Variants in ARHGAP9 observed in about 807,000 individuals in gnomAD.
ARHGAP9 encodes rho GTPase-activating protein 9.
ARHGAP9 carries 76 observed loss-of-function variants against 87.3 expected under a neutral mutation model. The observed-to-expected ratio is 0.87, with a 90% confidence interval of 0.72 to 1.05. ARHGAP9 has a LOEUF of 1.05. Ranked by LOEUF, ARHGAP9 falls within the 50% of genes least tolerant of loss-of-function variation. The pLI, the probability that ARHGAP9 is intolerant of heterozygous loss-of-function variation, is 0.00. For missense variants in ARHGAP9, 941 were observed against 960.5 expected (o/e 0.98, Z 0.27); for synonymous variants, 382 against 394.9 (o/e 0.97, Z 0.39).
intron 13 of ARHGAP9, 50 bp from the exon 14 acceptor site, chr12:57,474,753 T>C: frequency 6.2e-7 from 1 of 1,609,970 alleles, no homozygotes; most frequent in South Asian, 1.1e-5. Flanking sequence ...AAAGTGTGTG[T>C]GGTGAGGGAT....
At chr12:57,474,228 G>T in intron 15 of ARHGAP9, 52 bp from the exon 16 acceptor site, 2 of 1,594,662 alleles carry the variant, frequency 1.3e-6, no homozygotes, top group South Asian at 1.1e-5. Flanking sequence ...AAGATTTAGA[G>T]ACTGAGAGAT....
At chr12:57,488,430 G>A in intron 1 of ARHGAP9, 1 of 834,600 alleles carries the variant, frequency 1.2e-6, no homozygotes. Flanking sequence ...CCCCTCTTCC[G>A]TCTTCCCGGT....
At chr12:57,478,839 G>T in intron 2 of ARHGAP9, 82 bp from the exon 3 acceptor site, 1 of 1,350,402 alleles carries the variant, frequency 7.4e-7, no homozygotes. Flanking sequence ...GGAACTCACA[G>T]GGAAGACAAG....
At chr12:57,476,277 G>T (rs752222258) in intron 8 of ARHGAP9, 87 bp downstream of exon 8, 12 of 1,533,308 alleles carry the variant, frequency 7.8e-6, no homozygotes, top group Non-Finnish European at 1.1e-5. Flanking sequence ...ACTTTCCTCT[G>T]CACCGCCCTC....
Position 57,476,939 on chromosome 12 carries a change from T to A in ARHGAP9, c.895A>T (p.Thr299Ser). The part of the protein sequence containing the change: ...PQGSLSLSQR[T>S]SQLDPPALQA... ...AAGGCTGGAGGGTCAAGCTGCGAGG[T>A]GCGTTGGCTGAGGCTGAGTGAACCC... The change falls in exon 6 of 18, where the codon ACC (threonine) becomes TCC (serine). Residue 299 changes from threonine to serine, a missense_variant. Physicochemically the swap from Thr to Ser is moderately conservative, Grantham distance 58. Transcript: ENST00000393791. 6.2e-7 allele frequency: 1 copy of A among 1,611,176 alleles called. No homozygotes were observed. The highest frequency in any genetic ancestry group is 8.5e-7 in the Non-Finnish European group (1 of 1,179,542).
At position 57,487,880 on chromosome 12, in the gene ARHGAP9, G is replaced by A. The variant is rs563977407; in HGVS notation, c.-204+732C>T. 21 of 498,054 alleles carry A rather than the reference G, an allele frequency of 4.2e-5. No homozygotes were observed. The Admixed American group carries it at 5.2e-4, about 12-fold the overall frequency. 30.9% of individuals were successfully genotyped at this position (498,054 alleles called of 1,614,324 possible). A position where few individuals can be genotyped will look rare whatever the true frequency, so the allele number is the denominator to read the frequency against. ...AAAAAAAAAAAAAAAAAAAAGTGCA[G>A]TCTAGCCCGCATCTGCGGCCTCTTC... On this transcript the variant is annotated intron_variant, in intron 1 of 20. Transcript: ENST00000393797.
chr12:57,480,634 G>A, upstream of ARHGAP9: 2 of 785,462 alleles, frequency 2.5e-6, no homozygotes, highest in Non-Finnish European at 4.2e-6. Flanking sequence ...AATTACAATT[G>A]AATCAGGAAC....
At position 57,476,160 on chromosome 12, in the gene ARHGAP9, C is replaced by A; in HGVS notation, c.1123G>T (p.Ala375Ser). 6.5e-7 allele frequency: 1 copy of A among 1,541,090 alleles called. No individual in the cohort carries two copies. The stretch of plus-strand genomic sequence containing the variant: ...ACGCTACTTTCGGGCCGGCTACCCG[C>A]TGGTCCCTGACAATGAGGGAGGAAA... The part of the protein sequence containing the change: ...PTAPSSGWGP[A>S]GSRPESSVDL... The change falls in exon 9 of 18, where the codon GCG becomes TCG. Residue 375 changes from alanine to serine, a missense_variant. By Grantham distance (99) the Ala-to-Ser change is moderately conservative. Transcript: ENST00000393791.
chr12:57,488,544 A>C, intron 1 of ARHGAP9: 1 of 1,541,642 alleles, frequency 6.5e-7, no homozygotes, highest in African/African-American at 1.4e-5. Flanking sequence ...GCCCCCAGGC[A>C]CCCTTTTGTG....
chr12:57,486,517 G>T (rs1438597288), intron 1 of ARHGAP9, among the ~76,000 whole-genome samples: 1 of 150,414 alleles, frequency 6.6e-6, no homozygotes, highest in Non-Finnish European at 1.5e-5. Flanking sequence ...TCATCTGCTC[G>T]CCTCGGCCTC....
intron 8 of ARHGAP9, 77 bp downstream of exon 8, chr12:57,476,286 TC>T: frequency 6.4e-7 from 1 of 1,556,512 alleles, no homozygotes; most frequent in Non-Finnish European, 8.7e-7. Flanking sequence ...TGCACCGCCC[TC>T]CCCGCTGCCG....
At chr12:57,474,743 A>C in intron 13 of ARHGAP9, 40 bp from the exon 14 acceptor site, 1 of 1,612,160 alleles carries the variant, frequency 6.2e-7, no homozygotes, top group Admixed American at 1.7e-5. Context: ...CTGCTGCTTG[A>C]AAGTGTGTGT....
intron 1 of ARHGAP9, among the ~76,000 whole-genome samples, chr12:57,485,009 G>C (rs925283644): frequency 2.0e-5 from 3 of 150,512 alleles, no homozygotes; most frequent in African/African-American, 7.4e-5. Context: ...GCAATGGCAC[G>C]ATCTCAGCTC....
chr12:57,481,635 C>T (rs529488976), upstream of ARHGAP9, among the ~76,000 whole-genome samples: 7 of 152,272 alleles, frequency 4.6e-5, no homozygotes, highest in African/African-American at 1.7e-4. Flanking sequence ...ACTCCGCCAC[C>T]TTTTCAAAGT....
Position 57,473,676 on chromosome 12 carries a change from T to A in ARHGAP9, c.1951A>T (p.Ile651Leu), listed in dbSNP as rs753286990. ...LSESEQCLSQIQELIGSMPKP... is the reference protein window; with the variant it reads ...LSESEQCLSQLQELIGSMPKP... ...GGCATTGAGCCTATTAATTCTTGTA[T>A]CTGAGAGAGGCACTGCTCTGATTCG... Residue 651 changes from isoleucine to leucine, a missense_variant, in exon 17 of 18, where the codon ATA becomes TTA. Coordinates refer to ENST00000393791, the MANE Select transcript of ARHGAP9 (RefSeq NM_032496.4). 3.0e-5 allele frequency: 48 copies of A among 1,613,988 alleles called. No individual in the cohort carries two copies. The highest frequency in any genetic ancestry group is 3.7e-5 in the Non-Finnish European group (44 of 1,179,998).
intron 16 of ARHGAP9, 102 bp from the exon 17 acceptor site, chr12:57,473,810 T>A: frequency 1.6e-6 from 2 of 1,230,914 alleles, no homozygotes; most frequent in Non-Finnish European, 2.3e-6. Flanking sequence ...GAAGACATCA[T>A]TAATCTAGCA....
In ARHGAP9 at chr12:57,475,384, C is replaced by A. The variant is rs1454407462; in HGVS notation, c.1459G>T (p.Gly487Cys). Residue 487 changes from glycine to cysteine, a missense_variant, in exon 12 of 18, where the codon GGC (glycine) becomes TGC (cysteine). Physicochemically the swap from Gly to Cys is radical, Grantham distance 159. Transcript: ENST00000393791. ...SRRSSIRGPEGTEQNRVRNKL... is the reference protein window; with the variant it reads ...SRRSSIRGPECTEQNRVRNKL... ...TTGCGCACGCGGTTCTGCTCGGTGC[C>A]TTCGGGCCCCCGAACTGCAGGAGGC... The A allele has an allele frequency of 4.4e-6, 7 of 1,596,406 alleles. No homozygotes were observed. In the South Asian group the frequency reaches 7.9e-5, roughly 18 times the overall value.
chr12:57,473,938 T>C (rs1046720407), intron 16 of ARHGAP9, 104 bp downstream of exon 16: 115 of 1,453,758 alleles, frequency 7.9e-5, no homozygotes, highest in Non-Finnish European at 9.8e-5. Flanking sequence ...ATTTTCCATC[T>C]CTAAAGTCAG....
At chr12:57,472,760 C>T (rs766708614) in intron 17 of ARHGAP9, 72 bp from the exon 18 acceptor site, 25 of 1,522,546 alleles carry the variant, frequency 1.6e-5, no homozygotes, top group Non-Finnish European at 2.3e-5. Flanking sequence ...ACTAACCCTT[C>T]AAAGTTCTGA....
Sources: allele counts gnomAD v4.1 joint callset (sites outside exome capture counted in the v4.1 genomes callset), GRCh38; gene constraint gnomAD v4.1.1; transcripts MANE v1.5; gene names NCBI Gene and HGNC (gene_info 2026-07-23, HGNC 2026-07-21).